Variants in ATP10B observed in about 807,000 individuals in gnomAD.
The protein encoded by ATP10B is ATPase phospholipid transporting 10B (putative), also known as phospholipid-transporting ATPase VB.
ATP10B carries 122 observed loss-of-function variants against 141.2 expected under a neutral mutation model. The observed-to-expected ratio is 0.86, with a 90% CI of 0.75 to 1.00. The LOEUF (loss-of-function observed/expected upper bound fraction) is 1.00. ATP10B is among the 50% of genes least tolerant of loss of function. The probability of loss-of-function intolerance (pLI) is 0.00; values close to 1 mark genes in which losing one functional copy is unlikely to be tolerated. For synonymous variants in ATP10B, 685 were observed against 692.0 expected (o/e 0.99, Z 0.16); for missense variants, 1,876 against 1,825.3 (o/e 1.03, Z -0.51).
chr5:160,653,622 T>TA (rs1185559627), intron 7 of ATP10B, among the ~76,000 whole-genome samples: 355 of 9,436 alleles, frequency 0.038, 23 homozygotes, highest in African/African-American at 0.078. Flanking sequence ...TACATATATA[T>TA]TATATATACA....
chr5:160,700,702 G>A (rs1352393751), intron 3 of ATP10B, among the ~76,000 whole-genome samples: 1 of 152,028 alleles, frequency 6.6e-6, no homozygotes, highest in Non-Finnish European at 1.5e-5. Flanking sequence ...TCTTTTATTA[G>A]ATTAATAATA....
intron 1 of ATP10B, among the ~76,000 whole-genome samples, chr5:160,816,962 C>T (rs534390263): frequency 5.9e-5 from 9 of 152,250 alleles, no homozygotes; most frequent in African/African-American, 2.2e-4. Context: ...GCACTTCATG[C>T]TAAAAACTCT....
At chr5:160,764,761 A>G (rs2127845140) in intron 2 of ATP10B, among the ~76,000 whole-genome samples, 1 of 152,310 alleles carries the variant, frequency 6.6e-6, no homozygotes, top group Admixed American at 6.5e-5. Flanking sequence ...ATTGACAAAG[A>G]GGAAGTCAAG....
chr5:160,734,133 T>C (rs1340307877), intron 2 of ATP10B, among the ~76,000 whole-genome samples: 1 of 135,054 alleles, frequency 7.4e-6, no homozygotes, highest in East Asian at 2.1e-4. Flanking sequence ...AAAAAAGGAA[T>C]GAAGGCAAAA....
chr5:160,637,869 G>A (rs1267786700), intron 10 of ATP10B, among the ~76,000 whole-genome samples: 1 of 152,192 alleles, frequency 6.6e-6, no homozygotes, highest in Non-Finnish European at 1.5e-5. Flanking sequence ...CAGACATGAA[G>A]CTATTTATGT....
chr5:160,918,024 T>C, the ATP10B span, among the ~76,000 whole-genome samples: 8 of 152,352 alleles, frequency 5.3e-5, no homozygotes, highest in African/African-American at 1.7e-4. Context: ...AACATCCTCA[T>C]AGGACCACAG....
intron 3 of ATP10B, among the ~76,000 whole-genome samples, chr5:160,714,792 C>T (rs796855782): frequency 4.2e-5 from 6 of 142,910 alleles, no homozygotes; most frequent in East Asian, 2.1e-4. Flanking sequence ...GATGGGTTTT[C>T]GGTGTAGATG....
the ATP10B span, among the ~76,000 whole-genome samples, chr5:160,874,133 C>T: frequency 3.3e-5 from 5 of 152,124 alleles, no homozygotes; most frequent in South Asian, 4.1e-4. Flanking sequence ...TTAAATGTCC[C>T]TGTCTGACAG....
intron 1 of ATP10B, among the ~76,000 whole-genome samples, chr5:160,840,259 T>C (rs1028886533): frequency 2.6e-5 from 4 of 151,958 alleles, no homozygotes; most frequent in African/African-American, 7.2e-5. Flanking sequence ...AAAGTTCACA[T>C]GGAAAAATAA....
At chr5:160,899,942 G>A in the ATP10B span, among the ~76,000 whole-genome samples, 1 of 152,166 alleles carries the variant, frequency 6.6e-6, no homozygotes, top group Non-Finnish European at 1.5e-5. Context: ...CCCTGGTGGA[G>A]CAGAGGCAAG....
intron 9 of ATP10B, among the ~76,000 whole-genome samples, chr5:160,642,044 C>G (rs1759906302): frequency 6.6e-6 from 1 of 152,116 alleles, no homozygotes; most frequent in African/African-American, 2.4e-5. Context: ...TGAGACCCCT[C>G]TGTTCTTTTG....
At chr5:160,908,882 C>T in the ATP10B span, among the ~76,000 whole-genome samples, 1 of 152,222 alleles carries the variant, frequency 6.6e-6, no homozygotes, top group African/African-American at 2.4e-5. Flanking sequence ...ATCTAAGCTT[C>T]TGCTAGCCTT....
the ATP10B span, among the ~76,000 whole-genome samples, chr5:160,910,333 T>C: frequency 6.6e-6 from 1 of 152,192 alleles, no homozygotes; most frequent in Non-Finnish European, 1.5e-5. Context: ...ATATTATTCA[T>C]AGTATTCATC....
intron 5 of ATP10B, chr5:160,687,069 T>A: frequency 2.2e-6 from 1 of 450,744 alleles, no homozygotes; most frequent in Non-Finnish European, 2.9e-6. Flanking sequence ...TTCACTCAGG[T>A]AATGCAGTCT....
intron 1 of ATP10B, among the ~76,000 whole-genome samples, chr5:160,842,187 T>C (rs1205788787): frequency 1.3e-5 from 2 of 152,048 alleles, no homozygotes; most frequent in African/African-American, 4.8e-5. Flanking sequence ...CTAAAAAACA[T>C]TTTCCCCTAA....
chr5:160,612,723 T>C lies in ATP10B; in HGVS notation c.2838+18A>G, dbSNP rs1225069522. The C allele has an allele frequency of 4.4e-6, 7 of 1,602,498 alleles. No individual in the cohort carries two copies. Among genetic ancestry groups the C allele is most frequent in the Non-Finnish European group, 6.0e-6 (7 of 1,170,898 alleles). On this transcript the variant is annotated intron_variant, in intron 18 of 25. Transcript: ENST00000327245. ...ACACGTTGATATCTGCAGATATCAATACAGAGAATCACCTCACCTGATTCT... is the reference window on the plus strand; with the variant it reads ...ACACGTTGATATCTGCAGATATCAACACAGAGAATCACCTCACCTGATTCT...
intron 2 of ATP10B, among the ~76,000 whole-genome samples, chr5:160,755,535 T>G (rs7727937): frequency 0.57 from 85,859 of 150,808 alleles, 24,720 homozygotes; most frequent in Admixed American, 0.64. Context: ...TATATTATAG[T>G]CCGGGCGCGG....
At chr5:160,591,841 T>C (rs546651212) in intron 22 of ATP10B, among the ~76,000 whole-genome samples, 10 of 152,242 alleles carry the variant, frequency 6.6e-5, no homozygotes, top group Admixed American at 5.9e-4. Flanking sequence ...ACTCTCACCA[T>C]GCCCCCTTCG....
At chr5:160,898,041 C>T in the ATP10B span, among the ~76,000 whole-genome samples, 15 of 152,110 alleles carry the variant, frequency 9.9e-5, no homozygotes, top group Non-Finnish European at 1.9e-4. Flanking sequence ...AAAACTAACT[C>T]AAGATGGATT....
Sources: allele counts gnomAD v4.1 joint callset (sites outside exome capture counted in the v4.1 genomes callset), GRCh38; gene constraint gnomAD v4.1.1; transcripts MANE v1.5; gene names NCBI Gene and HGNC (gene_info 2026-07-23, HGNC 2026-07-21).